Variants in MARCHF8 observed in about 807,000 individuals in gnomAD.
The protein encoded by MARCHF8 is E3 ubiquitin-protein ligase MARCHF8.
MARCHF8 carries 40 observed loss-of-function variants against 51.6 expected under a neutral mutation model. The observed-to-expected ratio is 0.77, with a 90% confidence interval of 0.60 to 1.01. The LOEUF is 1.01. Ranked by LOEUF, MARCHF8 falls within the 50% of genes least tolerant of loss-of-function variation. MARCHF8 has a pLI of 0.00. For missense variants in MARCHF8, 685 were observed against 708.6 expected (o/e 0.97, Z 0.38); for synonymous variants, 263 against 280.3 (o/e 0.94, Z 0.62).
In MARCHF8 at chr10:45,463,457, T is replaced by C. The variant is rs1271861359; in HGVS notation, c.782A>G (p.Tyr261Cys). Residue 261 changes from tyrosine to cysteine, a missense_variant, in exon 5 of 8, where the codon TAC becomes TGC. Tyr to Cys is a radical substitution (Grantham distance 194). Transcript: ENST00000453424. ...ATSRSRQLLQYLFSLSHGLSA... is the reference protein window; with the variant it reads ...ATSRSRQLLQCLFSLSHGLSA... ...CAAGCCGTGCGAGAGTGAGAACAGG[T>C]ACTGGAGCAGTTGCCGGCTTCGGGA... 1.9e-6 allele frequency: 3 copies of C among 1,550,642 alleles called. No homozygotes were observed. Among genetic ancestry groups the C allele is most frequent in the Non-Finnish European group, 1.7e-6 (2 of 1,147,014 alleles).
At position 45,459,106 on chromosome 10, in the gene MARCHF8, G is replaced by T. The variant is rs756702968; in HGVS notation, c.1417+14C>A. 46 of 1,613,692 alleles carry T rather than the reference G, an allele frequency of 2.9e-5. No homozygotes were observed. The highest frequency in any genetic ancestry group is 3.8e-5 in the Non-Finnish European group (45 of 1,179,932). The stretch of plus-strand genomic sequence containing the variant: ...CGGCCCCCATGCTGAGCTTGCTCCA[G>T]CCTGAGAACTCACCTGTTGCCTGCC... On this transcript the variant is annotated intron_variant, in intron 7 of 7. Transcript: ENST00000453424.
At chr10:45,510,428 T>C (rs1281440450) in intron 2 of MARCHF8, among the ~76,000 whole-genome samples, 2 of 152,048 alleles carry the variant, frequency 1.3e-5, no homozygotes, top group Admixed American at 6.6e-5. Flanking sequence ...ATAACAAAAA[T>C]GGCATAAAGT....
chr10:45,587,141 T>C (rs2044627455), intron 1 of MARCHF8, among the ~76,000 whole-genome samples: 1 of 152,042 alleles, frequency 6.6e-6, no homozygotes, highest in African/African-American at 2.4e-5. Context: ...AGAAAGCACA[T>C]GAGTGGAAAG....
chr10:45,555,706 T>C lies in MARCHF8; in HGVS notation c.-78-22417A>G, dbSNP rs1473016863. Among the ~76,000 whole-genome samples the C allele has an allele frequency of 2.1e-5, 3 of 144,986 alleles. No homozygotes were observed. The Admixed American group carries it at 2.1e-4, about 10-fold the overall frequency. ...CTGCAATGAGCCATGATTACACCACTGCACTCCAGCCTGAGCGACATTGTA... is the reference window on the plus strand; with the variant it reads ...CTGCAATGAGCCATGATTACACCACCGCACTCCAGCCTGAGCGACATTGTA... On this transcript the variant is annotated intron_variant, in intron 1 of 6. Coordinates refer to the MARCHF8 transcript ENST00000319836.
intron 2 of MARCHF8, among the ~76,000 whole-genome samples, chr10:45,492,479 A>G (rs2043100948): frequency 6.6e-6 from 1 of 151,960 alleles, no homozygotes; most frequent in Non-Finnish European, 1.5e-5. Context: ...TTGTATTTTT[A>G]GTAGAGACGG....
At chr10:45,538,520 G>A (rs1034960638), upstream of MARCHF8, among the ~76,000 whole-genome samples, 1 of 152,152 alleles carries the variant, frequency 6.6e-6, no homozygotes, top group Admixed American at 6.5e-5. Context: ...ACACAGACTG[G>A]CAAATTGGAT....
At position 45,565,086 on chromosome 10, in the gene MARCHF8, C is replaced by T. The variant is rs967299664; in HGVS notation, c.-79+29149G>A. 4.6e-5 allele frequency among the ~76,000 whole-genome samples: 7 copies of T among 151,768 alleles called. No homozygotes were observed. The East Asian group carries it at 5.8e-4, about 13-fold the overall frequency. On this transcript the variant is annotated intron_variant, in intron 1 of 6. Coordinates refer to the MARCHF8 transcript ENST00000319836. ...TCTTAATTTCTTTAGAAGACACACGCTGGCTGTTGAAAGCAATAACAACAC... is the reference window on the plus strand; with the variant it reads ...TCTTAATTTCTTTAGAAGACACACGTTGGCTGTTGAAAGCAATAACAACAC...
intron 3 of MARCHF8, among the ~76,000 whole-genome samples, chr10:45,477,388 T>A (rs1400951587): frequency 6.6e-6 from 1 of 152,010 alleles, no homozygotes. Flanking sequence ...CATGAAAACA[T>A]ACCAAAGTAT....
At position 45,534,604 on chromosome 10, in the gene MARCHF8, T is replaced by C. The variant is rs575101890; in HGVS notation, c.-79+607A>G. Among the ~76,000 whole-genome samples, 3 of 152,316 alleles carry C rather than the reference T, an allele frequency of 2.0e-5. No individual in the cohort carries two copies. The South Asian group carries it at 6.2e-4, about 32-fold the overall frequency. ...GTTTAATGTAGTAAAATGTTTCATG[T>C]TGTTCAAATTTTAACAGAAAATGGA... On this transcript the variant is annotated intron_variant, in intron 1 of 7. Coordinates refer to ENST00000453424, the MANE Select transcript of MARCHF8 (RefSeq NM_001282866.2).
intron 1 of MARCHF8, among the ~76,000 whole-genome samples, chr10:45,542,898 A>T (rs1442726433): frequency 6.6e-6 from 1 of 152,240 alleles, no homozygotes; most frequent in Non-Finnish European, 1.5e-5. Flanking sequence ...TTGTCTAATT[A>T]GAAATTTGAA....
intron 1 of MARCHF8, among the ~76,000 whole-genome samples, chr10:45,556,132 CG>C (rs2044249540): frequency 6.6e-6 from 1 of 152,084 alleles, no homozygotes; most frequent in East Asian, 1.9e-4. Flanking sequence ...ACAAGATAAA[CG>C]GCATGATTTT....
At chr10:45,594,105 C>T (rs2044709994) in intron 1 of MARCHF8, 1 of 152,142 alleles carries the variant, frequency 6.6e-6, no homozygotes, top group Non-Finnish European at 1.5e-5. Context: ...TAACATAAAC[C>T]ATTATAACCC....
chr10:45,564,058 C>T (rs2044338711), intron 1 of MARCHF8, among the ~76,000 whole-genome samples: 4 of 152,254 alleles, frequency 2.6e-5, no homozygotes, highest in Non-Finnish European at 5.9e-5. Context: ...GGTGGATCAC[C>T]TGAGGTCAGG....
intron 2 of MARCHF8, among the ~76,000 whole-genome samples, chr10:45,498,514 C>T (rs1178962451): frequency 4.6e-5 from 7 of 151,426 alleles, no homozygotes; most frequent in African/African-American, 1.7e-4. Flanking sequence ...CTCGCTCTGT[C>T]ACCCAGGCTG....
At chr10:45,494,337 A>AGGGTT (rs1300110953) in intron 2 of MARCHF8, among the ~76,000 whole-genome samples, 1 of 152,230 alleles carries the variant, frequency 6.6e-6, no homozygotes, top group Non-Finnish European at 1.5e-5. Context: ...CAACGAGGTG[A>AGGGTT]GATGCCTAAG....
chr10:45,506,504 G>A (rs1018521991), intron 2 of MARCHF8, among the ~76,000 whole-genome samples: 4 of 152,118 alleles, frequency 2.6e-5, no homozygotes, highest in African/African-American at 9.7e-5. Flanking sequence ...ATTATGTCTT[G>A]CAATATATCA....
upstream of MARCHF8, among the ~76,000 whole-genome samples, chr10:45,537,800 T>C (rs2043994832): frequency 6.6e-6 from 1 of 151,786 alleles, no homozygotes; most frequent in South Asian, 2.1e-4. Flanking sequence ...AGAGCTGGGG[T>C]AGGAATGGGT....
At chr10:45,572,640 T>C (rs568619749) in intron 1 of MARCHF8, among the ~76,000 whole-genome samples, 100 of 152,204 alleles carry the variant, frequency 6.6e-4, no homozygotes, top group African/African-American at 2.3e-3. Context: ...GGTCCATCCC[T>C]AGTCTCTGTT....
intron 2 of MARCHF8, among the ~76,000 whole-genome samples, chr10:45,530,079 T>C (rs989200882): frequency 2.0e-5 from 3 of 152,212 alleles, no homozygotes; most frequent in African/African-American, 7.2e-5. Context: ...ATCCACATCA[T>C]GGAATACTAC....
Sources: gnomAD v4.1 joint callset for allele counts (sites outside exome capture counted in the v4.1 genomes callset) on GRCh38, gnomAD v4.1.1 for gene constraint, MANE v1.5 for transcripts, NCBI Gene and HGNC (gene_info 2026-07-23, HGNC 2026-07-21) for gene names.